The following SKAP1 variants were observed in gnomAD, a reference collection of about 807,000 sequenced individuals.
The protein encoded by SKAP1 is src kinase-associated phosphoprotein 1.
SKAP1 carries 44 observed loss-of-function variants against 58.5 expected under a neutral mutation model. The ratio of observed to expected loss-of-function variants is 0.75; its 90% CI spans 0.59 to 0.97. The LOEUF is 0.97. SKAP1 is among the 50% of genes least tolerant of loss of function. The pLI is 0.00. For synonymous variants in SKAP1, 127 were observed against 149.7 expected (o/e 0.85, Z 1.11); for missense variants, 390 against 435.2 (o/e 0.90, Z 0.92).
At chr17:48,425,638 A>G (rs1042087128) in intron 1 of SKAP1, among the ~76,000 whole-genome samples, 38 of 152,272 alleles carry the variant, frequency 2.5e-4, no homozygotes, top group African/African-American at 9.1e-4. Flanking sequence ...CAAAGCCCAC[A>G]CTTAAAGGTG....
chr17:48,354,411 A>G (rs2066848289), intron 3 of SKAP1, among the ~76,000 whole-genome samples: 1 of 152,250 alleles, frequency 6.6e-6, no homozygotes, highest in Non-Finnish European at 1.5e-5. Flanking sequence ...CACTAACACA[A>G]GTAAAGTGCA....
chr17:48,426,358 G>C (rs947323507), intron 1 of SKAP1, among the ~76,000 whole-genome samples: 1 of 152,212 alleles, frequency 6.6e-6, no homozygotes, highest in Non-Finnish European at 1.5e-5. Flanking sequence ...CATGTAGGCA[G>C]TTGGGACCTA....
At chr17:48,434,031 A>G (rs999261985), upstream of SKAP1, among the ~76,000 whole-genome samples, 4 of 152,244 alleles carry the variant, frequency 2.6e-5, no homozygotes, top group Non-Finnish European at 5.9e-5. Flanking sequence ...AGGAAACTGC[A>G]GAGGGCAGGC....
intron 3 of SKAP1, 101 bp from the exon 4 acceptor site, chr17:48,346,107 C>T (rs556580552): frequency 4.6e-5 from 27 of 587,226 alleles, no homozygotes; most frequent in Middle Eastern, 3.7e-4. Context: ...TTCCAGTATT[C>T]GAAAAAAAAG....
At position 48,379,285 on chromosome 17, in the gene SKAP1, C is replaced by A. The variant is rs540480829; in HGVS notation, c.153-15471G>T. Among the ~76,000 whole-genome samples, 13 of 152,232 alleles carry A rather than the reference C, an allele frequency of 8.5e-5. No homozygotes were observed. The East Asian group carries it at 1.5e-3, about 18-fold the overall frequency. ...AATTTGTTTCCTCATTAGAAGCTTTCATGAAGAAAATGATTTAATACAAAT... is the reference window on the plus strand; with the variant it reads ...AATTTGTTTCCTCATTAGAAGCTTTAATGAAGAAAATGATTTAATACAAAT... On this transcript the variant is annotated intron_variant, in intron 2 of 12. Coordinates refer to ENST00000336915, the MANE Select transcript of SKAP1 (RefSeq NM_003726.4).
rs764434963 is a variant in SKAP1 at position 48,324,131 on chromosome 17, G to GA, written c.280+21773dup. Among the ~76,000 whole-genome samples the GA allele has an allele frequency of 1.5e-3, 223 of 151,686 alleles. 1 individual carries two copies. The highest frequency in any genetic ancestry group is 2.5e-3 in the Non-Finnish European group (168 of 67,852). The stretch of plus-strand genomic sequence containing the variant: ...AGAAAATATAGAAAAGCACAAAGGG[G>GA]AAAAAAAAGCAACCCATAATCTTAT... On this transcript the variant is annotated intron_variant, in intron 4 of 12. Transcript: ENST00000336915.
At chr17:48,413,030 A>T (rs984269164) in intron 1 of SKAP1, among the ~76,000 whole-genome samples, 2 of 151,204 alleles carry the variant, frequency 1.3e-5, no homozygotes, top group African/African-American at 4.9e-5. Context: ...ATACGCCCAC[A>T]CACTTACTAG....
At chr17:48,284,416 C>G (rs1413854375) in intron 4 of SKAP1, among the ~76,000 whole-genome samples, 1 of 152,078 alleles carries the variant, frequency 6.6e-6, no homozygotes, top group Non-Finnish European at 1.5e-5. Flanking sequence ...AGGTAATTTA[C>G]AAAATGTCAT....
chr17:48,319,803 C>T (rs971002774), intron 4 of SKAP1, among the ~76,000 whole-genome samples: 5 of 152,132 alleles, frequency 3.3e-5, no homozygotes, highest in Non-Finnish European at 5.9e-5. Flanking sequence ...GATCACACCA[C>T]TGCATTCCAG....
At chr17:48,290,045 T>A (rs996176130) in intron 4 of SKAP1, among the ~76,000 whole-genome samples, 2 of 152,154 alleles carry the variant, frequency 1.3e-5, no homozygotes, top group Non-Finnish European at 2.9e-5. Flanking sequence ...ATTTTATTAT[T>A]AAGGGACAGA....
At chr17:48,398,101 C>G (rs1200797554) in intron 1 of SKAP1, among the ~76,000 whole-genome samples, 1 of 152,016 alleles carries the variant, frequency 6.6e-6, no homozygotes. Context: ...CCTTTATTTC[C>G]TCAGTGATCT....
chr17:48,237,577 T>C (rs1357120876), intron 4 of SKAP1, among the ~76,000 whole-genome samples: 1 of 152,202 alleles, frequency 6.6e-6, no homozygotes, highest in African/African-American at 2.4e-5. Flanking sequence ...AAAATTTGCA[T>C]TCTAGAGGGA....
At chr17:48,336,943 T>C (rs554482870) in intron 4 of SKAP1, among the ~76,000 whole-genome samples, 3 of 152,308 alleles carry the variant, frequency 2.0e-5, no homozygotes. Flanking sequence ...AACATAATAA[T>C]AAAATTAACC....
chr17:48,165,114 G>A (rs1476005533), intron 10 of SKAP1, among the ~76,000 whole-genome samples: 2 of 152,220 alleles, frequency 1.3e-5, no homozygotes, highest in Admixed American at 1.3e-4. Context: ...ATTATGATAT[G>A]TCTGTGAAGG....
Position 48,400,631 on chromosome 17 carries a change from T to G in SKAP1, c.47-3846A>C, listed in dbSNP as rs141153478. ...CAGGCATGGTGGTGCACATCTGTGGTCCCAGCTGCTCAGGAGGCTAAGGTG... is the reference window on the plus strand; with the variant it reads ...CAGGCATGGTGGTGCACATCTGTGGGCCCAGCTGCTCAGGAGGCTAAGGTG... On this transcript the variant is annotated intron_variant, in intron 1 of 12. Coordinates refer to ENST00000336915, the MANE Select transcript of SKAP1 (RefSeq NM_003726.4). 9.3e-3 allele frequency among the ~76,000 whole-genome samples: 1,413 copies of G among 151,842 alleles called. 31 individuals carry two copies. Among genetic ancestry groups the G allele is most frequent in the African/African-American group, 0.033 (1,359 of 41,364 alleles).
chr17:48,213,289 G>T (rs2064896852), intron 4 of SKAP1, among the ~76,000 whole-genome samples: 1 of 148,372 alleles, frequency 6.7e-6, no homozygotes, highest in Non-Finnish European at 1.5e-5. Flanking sequence ...CACGGAGGTT[G>T]CAGTGAGCCG....
chr17:48,196,136 G>A (rs905803773), intron 4 of SKAP1, among the ~76,000 whole-genome samples: 2 of 152,158 alleles, frequency 1.3e-5, no homozygotes, highest in African/African-American at 4.8e-5. Context: ...GAGGTGTAAT[G>A]AAATGACATA....
chr17:48,153,968 A>G (rs1184346785), intron 11 of SKAP1, among the ~76,000 whole-genome samples: 5 of 151,944 alleles, frequency 3.3e-5, no homozygotes, highest in African/African-American at 1.2e-4. Context: ...TGTTTTTATG[A>G]GGGTTGTTGT....
chr17:48,426,738 G>A (rs2067857249), intron 1 of SKAP1, among the ~76,000 whole-genome samples: 1 of 152,068 alleles, frequency 6.6e-6, no homozygotes, highest in East Asian at 1.9e-4. Context: ...TAGGGGACTA[G>A]TTACTATTTC....
Sources: allele counts gnomAD v4.1 joint callset (sites outside exome capture counted in the v4.1 genomes callset), GRCh38; gene constraint gnomAD v4.1.1; transcripts MANE v1.5; gene names NCBI Gene and HGNC (gene_info 2026-07-23, HGNC 2026-07-21).